RGS7: variants seen among roughly 807,000 people sequenced by gnomAD.
RGS7 encodes regulator of G-protein signaling 7.
Under a neutral mutation model 81.1 loss-of-function variants are expected in RGS7, and 27 were observed. The observed-to-expected ratio is 0.33, with a 90% CI of 0.25 to 0.46. The LOEUF (loss-of-function observed/expected upper bound fraction) is 0.46. RGS7 is among the 20% of genes least tolerant of loss of function. The pLI is 1.00. For synonymous variants in RGS7, 208 were observed against 207.7 expected (o/e 1.00, Z -0.01); for missense variants, 396 against 607.4 (o/e 0.65, Z 3.66).
intron 4 of RGS7, among the ~76,000 whole-genome samples, chr1:240,938,821 C>T (rs1336953856): frequency 3.4e-5 from 5 of 146,488 alleles, no homozygotes; most frequent in Admixed American, 6.9e-5. Flanking sequence ...CAATTTTGTG[C>T]GTGTGTGTGT....
chr1:240,868,891 T>C lies in RGS7; in HGVS notation c.451-39A>G, dbSNP rs746751261. On this transcript the variant is annotated intron_variant, in intron 7 of 18. Coordinates refer to ENST00000440928, the MANE Select transcript of RGS7 (RefSeq NM_001364886.1). The surrounding 1 kb of genome is among the most constrained non-coding windows in gnomAD (Gnocchi z 5.1). ...CCCAGGTGAAGACATTTGGTGTTCA[T>C]TGTCACTGCTCTCTTCTAGCTTAGT... 4 of 1,555,460 alleles carry C rather than the reference T, an allele frequency of 2.6e-6. No homozygotes were observed. In the South Asian group the frequency reaches 3.3e-5, roughly 13 times the overall value.
At chr1:241,270,504 C>A (rs559474829) in intron 2 of RGS7, among the ~76,000 whole-genome samples, 1 of 152,236 alleles carries the variant, frequency 6.6e-6, no homozygotes, top group Admixed American at 6.5e-5. Context: ...TTTAACAAGA[C>A]AAAATTTAAG....
At chr1:240,906,709 A>C (rs1166905775) in intron 6 of RGS7, among the ~76,000 whole-genome samples, 4 of 152,314 alleles carry the variant, frequency 2.6e-5, no homozygotes, top group Non-Finnish European at 5.9e-5. Context: ...AAGAAACCAG[A>C]AAGCAACAGC....
chr1:241,257,245 A>G (rs557193681), intron 2 of RGS7, among the ~76,000 whole-genome samples: 61 of 152,232 alleles, frequency 4.0e-4, no homozygotes, highest in Admixed American at 1.0e-3. Flanking sequence ...TCTACTTCAT[A>G]GATGTCACCT....
chr1:240,836,041 T>G (rs1354570779), intron 9 of RGS7, among the ~76,000 whole-genome samples: 1 of 150,896 alleles, frequency 6.6e-6, no homozygotes, highest in Non-Finnish European at 1.5e-5. Flanking sequence ...CCATAGAATG[T>G]ACAACATCAA....
At chr1:240,950,974 T>C (rs1044066933) in intron 4 of RGS7, among the ~76,000 whole-genome samples, 1 of 150,664 alleles carries the variant, frequency 6.6e-6, no homozygotes, top group Admixed American at 6.7e-5. Flanking sequence ...CCAGCTGGAG[T>C]GTAGTAGTGT....
At chr1:241,015,100 AAGGT>A (rs1179401290) in intron 3 of RGS7, among the ~76,000 whole-genome samples, 1 of 152,216 alleles carries the variant, frequency 6.6e-6, no homozygotes, top group Non-Finnish European at 1.5e-5. Context: ...ATTCACAATT[AAGGT>A]ACTTCTAAAT....
At chr1:241,123,162 A>G (rs2103004523) in intron 2 of RGS7, among the ~76,000 whole-genome samples, 1 of 152,326 alleles carries the variant, frequency 6.6e-6, no homozygotes, top group African/African-American at 2.4e-5. Flanking sequence ...GCCCTGCTGC[A>G]GACCCCAGGT....
intron 4 of RGS7, among the ~76,000 whole-genome samples, 170 bp downstream of exon 4, chr1:240,982,909 A>G (rs1415551913): frequency 1.3e-5 from 2 of 152,202 alleles, no homozygotes; most frequent in Non-Finnish European, 2.9e-5. Context: ...TTTCAGTGAA[A>G]TATGTTTTGA....
At chr1:241,342,028 C>T (rs1164485604) in intron 2 of RGS7, among the ~76,000 whole-genome samples, 1 of 151,920 alleles carries the variant, frequency 6.6e-6, no homozygotes, top group Non-Finnish European at 1.5e-5. Flanking sequence ...GCCCGTACCA[C>T]CACACCTGTC....
At chr1:241,344,475 C>A (rs2082765143) in intron 2 of RGS7, among the ~76,000 whole-genome samples, 1 of 152,214 alleles carries the variant, frequency 6.6e-6, no homozygotes, top group South Asian at 2.1e-4. Context: ...TTTACATGCA[C>A]TGTTCACATA....
intron 2 of RGS7, among the ~76,000 whole-genome samples, chr1:241,244,386 T>C (rs1209056637): frequency 6.6e-6 from 1 of 152,052 alleles, no homozygotes; most frequent in Non-Finnish European, 1.5e-5. Flanking sequence ...ATCAGAGAAA[T>C]GCAAATCAAA....
At chr1:241,255,087 A>G (rs965270412) in intron 2 of RGS7, among the ~76,000 whole-genome samples, 2 of 152,202 alleles carry the variant, frequency 1.3e-5, no homozygotes. Flanking sequence ...AGTTCATACT[A>G]TTCTTTTAAA....
At position 241,330,987 on chromosome 1, in the gene RGS7, T is replaced by G. The variant is rs192201938; in HGVS notation, c.78+24712A>C. 2.2e-3 allele frequency among the ~76,000 whole-genome samples: 335 copies of G among 152,354 alleles called. 2 individuals are homozygous for G. The highest frequency in any genetic ancestry group is 7.6e-3 in the African/African-American group (318 of 41,590). ...ACATTGATTTTCATTGGTCCATTAG[T>G]ACATCTCTATTTAGCTTGACTTTTC... On this transcript the variant is annotated intron_variant, in intron 2 of 18. Coordinates refer to ENST00000440928, the MANE Select transcript of RGS7 (RefSeq NM_001364886.1).
In RGS7 at chr1:240,814,767, C is replaced by T; in HGVS notation, c.794G>A (p.Trp265Ter). 8.8e-6 allele frequency: 14 copies of T among 1,591,616 alleles called. No individual in the cohort carries two copies. Among genetic ancestry groups the T allele is most frequent in the Non-Finnish European group, 1.2e-5 (14 of 1,160,112 alleles). Residue 265 changes from tryptophan to a stop codon, truncating the protein, a stop_gained, in exon 12 of 19, where the codon TGG becomes TAG. Transcript: ENST00000440928. LOFTEE classifies it high-confidence loss of function. Reference protein sequence around the residue: ...EDELQQQIKYWQIQLDRHRLK... With the variant: ...EDELQQQIKY ...CCGATGTCTATCTAACTGTATTTGC[C>T]AATATTTTATCTGAAAAGAGGGTTA...
chr1:241,107,648 C>G (rs2065208071), intron 2 of RGS7, among the ~76,000 whole-genome samples: 1 of 152,210 alleles, frequency 6.6e-6, no homozygotes, highest in African/African-American at 2.4e-5. Flanking sequence ...TAACCCCATT[C>G]TTTTGGAGTC....
intron 6 of RGS7, among the ~76,000 whole-genome samples, chr1:240,893,178 G>A (rs574227046): frequency 5.9e-5 from 9 of 152,222 alleles, no homozygotes; most frequent in East Asian, 3.9e-4. Context: ...AGTGAAAATC[G>A]AAGAAGGCTT....
intron 6 of RGS7, chr1:240,920,213 T>C (rs1355144330): frequency 8.7e-6 from 10 of 1,144,910 alleles, no homozygotes; most frequent in African/African-American, 1.5e-5. Flanking sequence ...AGATAGCTAG[T>C]GCTTCATGCA....
chr1:240,895,928 T>G lies in RGS7; in HGVS notation c.386-25809A>C, dbSNP rs139653325. On this transcript the variant is annotated intron_variant, in intron 6 of 18. Coordinates refer to ENST00000440928, the MANE Select transcript of RGS7 (RefSeq NM_001364886.1). The stretch of plus-strand genomic sequence containing the variant: ...AACAGTGTAAAAGTGTTTCTATTTC[T>G]CCACATCCTCTCCAGCAACTGTTGT... Among the ~76,000 whole-genome samples the G allele has an allele frequency of 3.8e-3, 585 of 152,330 alleles. 3 individuals are homozygous for G. Among genetic ancestry groups the G allele is most frequent in the African/African-American group, 0.014 (565 of 41,578 alleles).
Sources: gnomAD v4.1 joint callset for allele counts (sites outside exome capture counted in the v4.1 genomes callset) on GRCh38, gnomAD v4.1.1 for gene constraint, Gnocchi (gnomAD v3.1) non-coding constraint, MANE v1.5 for transcripts, NCBI Gene and HGNC (gene_info 2026-07-23, HGNC 2026-07-21) for gene names.